The following CLGN variants were observed in gnomAD, a reference collection of about 807,000 sequenced individuals.
The protein encoded by CLGN is calmegin.
CLGN carries 62 observed loss-of-function variants against 79.1 expected under a neutral mutation model. The observed-to-expected ratio is 0.78, with a 90% CI of 0.64 to 0.97. The LOEUF (loss-of-function observed/expected upper bound fraction) is 0.97, where lower values mean the gene tolerates loss of function less well. CLGN is among the 50% of genes least tolerant of loss of function. CLGN has a pLI of 0.00. For missense variants in CLGN, 647 were observed against 715.5 expected (o/e 0.90, Z 1.09); for synonymous variants, 225 against 224.7 (o/e 1.00, Z -0.01).
intron 6 of CLGN, among the ~76,000 whole-genome samples, chr4:140,401,413 T>C (rs922933207): frequency 2.6e-5 from 4 of 152,098 alleles, no homozygotes; most frequent in Non-Finnish European, 2.9e-5. Context: ...TTCTGAAAAA[T>C]ATACCCCTGA....
chr4:140,406,291 T>C (rs1381099479), intron 4 of CLGN, among the ~76,000 whole-genome samples: 1 of 152,184 alleles, frequency 6.6e-6, no homozygotes, highest in Non-Finnish European at 1.5e-5. Flanking sequence ...TCTTCTTAAC[T>C]AAAGTTGTGA....
At chr4:140,427,399 C>T (rs996430265) in intron 1 of CLGN, 138 bp downstream of exon 1, 1 of 152,546 alleles carries the variant, frequency 6.6e-6, no homozygotes, top group Non-Finnish European at 1.5e-5. Context: ...TCCACCCTCA[C>T]TTGGCCCCGA....
rs191491860 is a variant in CLGN, at chr4:140,391,652, T to C, written c.1651+567A>G. On this transcript the variant is annotated intron_variant, in intron 13 of 14. Coordinates refer to ENST00000325617, the MANE Select transcript of CLGN (RefSeq NM_004362.3). Reference sequence around the variant, plus strand: ...TCAATAGTTTTATTTCTACCTTATGTAAGGAGGTCTCAGCGGACAGCCACC... The same window carrying C: ...TCAATAGTTTTATTTCTACCTTATGCAAGGAGGTCTCAGCGGACAGCCACC... Among the ~76,000 whole-genome samples the C allele has an allele frequency of 2.6e-5, 4 of 152,028 alleles. No individual in the cohort carries two copies. The East Asian group carries it at 7.7e-4, about 29-fold the overall frequency.
Position 140,410,546 on chromosome 4 carries a change from T to C in CLGN, c.218+7A>G, listed in dbSNP as rs1425896083. ...CAAAGAAAACATTCTCTTGAATGAA[T>C]ACTCACCCAGCCAACCTTCCACTAT... On this transcript the variant is annotated splice_region_variant and intron_variant, in intron 3 of 14. Coordinates refer to ENST00000325617, the MANE Select transcript of CLGN (RefSeq NM_004362.3). 6.3e-7 allele frequency: 1 copy of C among 1,578,464 alleles called. No individual in the cohort carries two copies. The highest frequency in any genetic ancestry group is 2.2e-5 in the East Asian group (1 of 44,570).
At chr4:140,413,222 A>G in intron 1 of CLGN, 135 bp from the exon 2 acceptor site, 1 of 652,120 alleles carries the variant, frequency 1.5e-6, no homozygotes. Flanking sequence ...CACTGACAAA[A>G]TTATTTAAAT....
intron 11 of CLGN, 105 bp downstream of exon 11, chr4:140,393,721 C>T: frequency 1.1e-6 from 1 of 922,612 alleles, no homozygotes; most frequent in Non-Finnish European, 1.6e-6. Flanking sequence ...TTAGTAGTTA[C>T]TGCACATTTA....
At chr4:140,405,191 A>ATTTTTTTT (rs35471612) in intron 5 of CLGN, among the ~76,000 whole-genome samples, 1 of 129,064 alleles carries the variant, frequency 7.7e-6, no homozygotes, top group African/African-American at 3.0e-5. Context: ...TTTTTTTTTT[A>ATTTTTTTT]TTTTTTTTTT....
At chr4:140,403,322 A>G (rs1001452068) in intron 5 of CLGN, among the ~76,000 whole-genome samples, 2 of 152,348 alleles carry the variant, frequency 1.3e-5, no homozygotes, top group Admixed American at 1.3e-4. Context: ...AAGGATTGTT[A>G]TGATGATTAA....
chr4:140,425,286 C>T (rs1729543147), intron 1 of CLGN, among the ~76,000 whole-genome samples: 3 of 152,138 alleles, frequency 2.0e-5, no homozygotes, highest in Admixed American at 2.0e-4. Flanking sequence ...GATCTTTCCC[C>T]TTCTGGTTTG....
At chr4:140,427,297 C>G (rs191312850) in intron 1 of CLGN, among the ~76,000 whole-genome samples, 4 of 152,176 alleles carry the variant, frequency 2.6e-5, no homozygotes, top group African/African-American at 9.6e-5. Flanking sequence ...CACAAAGGGT[C>G]CCAGGTGGCA....
chr4:140,412,164 T>A (rs1160954344), intron 2 of CLGN, among the ~76,000 whole-genome samples: 1 of 152,158 alleles, frequency 6.6e-6, no homozygotes, highest in East Asian at 1.9e-4. Flanking sequence ...AAACATACTA[T>A]TCACCTTAAA....
intron 1 of CLGN, among the ~76,000 whole-genome samples, chr4:140,426,477 T>C (rs1017988033): frequency 1.3e-5 from 2 of 152,266 alleles, no homozygotes; most frequent in Non-Finnish European, 2.9e-5. Context: ...ATCTAAATGT[T>C]ACTGGAAGAT....
intron 1 of CLGN, among the ~76,000 whole-genome samples, chr4:140,413,934 C>T (rs1578605110): frequency 6.6e-6 from 1 of 152,368 alleles, no homozygotes; most frequent in African/African-American, 2.4e-5. Context: ...ATAGCAGTAA[C>T]CTCTGCAGAC....
At chr4:140,413,341 T>C (rs1729249586) in intron 1 of CLGN, among the ~76,000 whole-genome samples, 1 of 151,912 alleles carries the variant, frequency 6.6e-6, no homozygotes, top group Non-Finnish European at 1.5e-5. Context: ...AATCTAAAGA[T>C]GGGGGGAGGA....
rs1159885892 is a variant in CLGN, at chr4:140,397,172, A to G, written c.885-967T>C. Among the ~76,000 whole-genome samples, 5 of 151,908 alleles carry G rather than the reference A, an allele frequency of 3.3e-5. No individual in the cohort carries two copies. In the East Asian group the frequency reaches 9.7e-4, roughly 29 times the overall value. ...GATAGTAGCATCCAAATTACTCTCT[A>G]TAATGGTTACACTCCACTTCCGGTT... On this transcript the variant is annotated intron_variant, in intron 8 of 14. Coordinates refer to ENST00000325617, the MANE Select transcript of CLGN (RefSeq NM_004362.3).
rs1462365402 is a variant in CLGN at position 140,392,226 on chromosome 4, A to T, written c.1644T>A (p.Leu548=). 4 of 1,611,704 alleles carry T rather than the reference A, an allele frequency of 2.5e-6. No individual in the cohort carries two copies. Among genetic ancestry groups the T allele is most frequent in the Non-Finnish European group, 3.4e-6 (4 of 1,179,162 alleles). Residue 548 remains leucine, a synonymous_variant, in exon 13 of 15, where the codon CTT becomes CTA. Coordinates refer to ENST00000325617, the MANE Select transcript of CLGN (RefSeq NM_004362.3). ...EEKKQNDGEM[L]EKEEESEPEE... ...TCACTCTCATCATCTTACCTTTTTC[A>T]AGCATTTCACCATCATTTTGCTTTT...
chr4:140,411,262 A>G (rs1331645357), intron 2 of CLGN, among the ~76,000 whole-genome samples: 1 of 152,052 alleles, frequency 6.6e-6, no homozygotes. Context: ...TTTATATATG[A>G]TGAAACTGGG....
chr4:140,408,789 A>C (rs1295172290), intron 4 of CLGN, among the ~76,000 whole-genome samples: 1 of 151,130 alleles, frequency 6.6e-6, no homozygotes, highest in East Asian at 1.9e-4. Context: ...AAGTAGATCT[A>C]CTATTTGATC....
chr4:140,427,113 C>A (rs1383478514), intron 1 of CLGN, among the ~76,000 whole-genome samples: 1 of 26,196 alleles, frequency 3.8e-5, no homozygotes, highest in Non-Finnish European at 1.7e-4. Context: ...ATTGGGAGAG[C>A]GCCCCGGGCT....
Sources: gnomAD v4.1 joint callset for allele counts (sites outside exome capture counted in the v4.1 genomes callset) on GRCh38, gnomAD v4.1.1 for gene constraint, MANE v1.5 for transcripts, NCBI Gene and HGNC (gene_info 2026-07-23, HGNC 2026-07-21) for gene names.